The following PCDH15 variants were observed in gnomAD, a reference collection of about 807,000 sequenced individuals.
PCDH15 encodes the protein protocadherin-15.
In PCDH15, 129 loss-of-function variants were observed where a neutral mutation model predicts 178.5. The observed-to-expected ratio is 0.72, with a 90% CI of 0.63 to 0.84. PCDH15 has a LOEUF of 0.84. Ranked by LOEUF, PCDH15 falls within the 40% of genes least tolerant of loss-of-function variation. The pLI is 0.00. For synonymous variants in PCDH15, 800 were observed against 732.0 expected (o/e 1.09, Z -1.50); for missense variants, 2,230 against 2,099.9 (o/e 1.06, Z -1.21).
intron 1 of PCDH15, among the ~76,000 whole-genome samples, chr10:54,765,265 C>T (rs150359166): frequency 6.6e-6 from 1 of 152,032 alleles, no homozygotes; most frequent in Admixed American, 6.6e-5. Flanking sequence ...GAGCTAAATA[C>T]CTTTTTAGCA....
chr10:55,085,232 A>G (rs1176164433), intron 2 of PCDH15, among the ~76,000 whole-genome samples: 1 of 151,908 alleles, frequency 6.6e-6, no homozygotes, highest in Non-Finnish European at 1.5e-5. Flanking sequence ...ACTGAAGGTC[A>G]TTGTGTTAAG....
intron 3 of PCDH15, among the ~76,000 whole-genome samples, chr10:54,812,201 TA>T (rs1952873410): frequency 2.0e-5 from 3 of 150,464 alleles, no homozygotes; most frequent in East Asian, 3.9e-4. Context: ...AATACCAGCT[TA>T]AAAAAACAAA....
intron 2 of PCDH15, among the ~76,000 whole-genome samples, chr10:55,413,106 T>C (rs931651829): frequency 6.6e-6 from 1 of 151,880 alleles, no homozygotes; most frequent in Non-Finnish European, 1.5e-5. Context: ...ATAGGGTATA[T>C]GTTAATACCA....
rs150151485 is a variant in PCDH15 at position 54,620,687 on chromosome 10, A to G, written c.91+43485T>C. The stretch of plus-strand genomic sequence containing the variant: ...GTTATTAGTAGTATATGACAATCAT[A>G]ATAGTCTAACTTTTACTGTAAAACT... On this transcript the variant is annotated intron_variant, in intron 2 of 37. Coordinates refer to ENST00000644397, the MANE Select transcript of PCDH15 (RefSeq NM_001384140.1). Among the ~76,000 whole-genome samples, 621 of 152,150 alleles carry G rather than the reference A, an allele frequency of 4.1e-3. 2 individuals carry two copies. Among genetic ancestry groups the G allele is most frequent in the African/African-American group, 0.014 (599 of 41,562 alleles).
At chr10:55,493,244 A>C (rs2132130310) in intron 2 of PCDH15, among the ~76,000 whole-genome samples, 1 of 151,658 alleles carries the variant, frequency 6.6e-6, no homozygotes, top group East Asian at 2.0e-4. Flanking sequence ...AGATACACTA[A>C]AGTCATATTG....
At chr10:55,346,746 T>A (rs1263032961) in intron 2 of PCDH15, among the ~76,000 whole-genome samples, 3 of 151,792 alleles carry the variant, frequency 2.0e-5, no homozygotes, top group Admixed American at 1.3e-4. Context: ...TTTAAGATAG[T>A]CTAAATAGAG....
chr10:54,158,183 T>C (rs1359256089), intron 13 of PCDH15, among the ~76,000 whole-genome samples: 1 of 152,244 alleles, frequency 6.6e-6, no homozygotes, highest in Non-Finnish European at 1.5e-5. Context: ...ATCAATTTAC[T>C]GTATTAGTTA....
At chr10:55,054,058 GT>G (rs1477541452) in intron 2 of PCDH15, among the ~76,000 whole-genome samples, 15 of 152,138 alleles carry the variant, frequency 9.9e-5, no homozygotes, top group Admixed American at 5.2e-4. Context: ...GGGGTTTGTT[GT>G]ACAGATTATT....
At chr10:54,470,966 G>T (rs984632438) in intron 3 of PCDH15, among the ~76,000 whole-genome samples, 1 of 151,936 alleles carries the variant, frequency 6.6e-6, no homozygotes, top group Non-Finnish European at 1.5e-5. Flanking sequence ...AAAATGAATG[G>T]GTTAAGGGCA....
intron 21 of PCDH15, among the ~76,000 whole-genome samples, chr10:53,966,872 A>T (rs905139538): frequency 6.6e-6 from 1 of 151,256 alleles, no homozygotes; most frequent in African/African-American, 2.4e-5. Flanking sequence ...TATATATGTG[A>T]CAATTAAATA....
At chr10:55,233,526 G>A (rs567305369) in intron 1 of PCDH15, among the ~76,000 whole-genome samples, 1 of 151,952 alleles carries the variant, frequency 6.6e-6, no homozygotes, top group African/African-American at 2.4e-5. Context: ...TGTGTCATAA[G>A]GATAAGAAAA....
intron 3 of PCDH15, among the ~76,000 whole-genome samples, chr10:54,868,449 C>T (rs1050774281): frequency 6.6e-6 from 1 of 151,980 alleles, no homozygotes; most frequent in Non-Finnish European, 1.5e-5. Flanking sequence ...CTTCCTCCTC[C>T]CTCACCCTCA....
rs193007607 is a variant in PCDH15, at chr10:55,345,902, G to T, written c.-155-179251C>A. Among the ~76,000 whole-genome samples the T allele has an allele frequency of 7.9e-3, 1,198 of 151,834 alleles. 8 individuals are homozygous for T. The highest frequency in any genetic ancestry group is 0.024 in the South Asian group (117 of 4,798). ...TGATAAATAGTTTATAATGGTGTTT[G>T]CCCTGTTTATTGTGGATATTAACAG... On this transcript the variant is annotated intron_variant, in intron 2 of 5. Coordinates refer to the PCDH15 transcript ENST00000613346.
intron 10 of PCDH15, among the ~76,000 whole-genome samples, chr10:54,198,987 A>T (rs889263039): frequency 1.3e-5 from 2 of 152,206 alleles, no homozygotes; most frequent in Middle Eastern, 3.2e-3. Context: ...TTTTACCAGC[A>T]GCTGTGAAGC....
At chr10:54,117,507 C>T (rs751225917) in intron 15 of PCDH15, among the ~76,000 whole-genome samples, 51 of 152,248 alleles carry the variant, frequency 3.3e-4, no homozygotes, top group South Asian at 6.2e-4. Context: ...TGCCTGTTTC[C>T]GTCCTGTTTG....
chr10:54,489,335 G>GTGCC (rs35003313), intron 3 of PCDH15, among the ~76,000 whole-genome samples: 14,568 of 151,966 alleles, frequency 0.096, 879 homozygotes, highest in East Asian at 0.28. Context: ...ACAATTTAGT[G>GTGCC]TGCCTTTTAT....
At chr10:55,622,286 G>A (rs1837423230) in intron 2 of PCDH15, among the ~76,000 whole-genome samples, 1 of 150,046 alleles carries the variant, frequency 6.7e-6, no homozygotes, top group Non-Finnish European at 1.5e-5. Context: ...TGGGATTACG[G>A]GCATAAGCCA....
At chr10:55,083,056 T>C (rs1842082145) in intron 2 of PCDH15, among the ~76,000 whole-genome samples, 1 of 151,732 alleles carries the variant, frequency 6.6e-6, no homozygotes, top group Non-Finnish European at 1.5e-5. Flanking sequence ...ACAAAGTCAG[T>C]AAGTATAGTA....
chr10:54,210,017 C>T (rs2051242021), intron 10 of PCDH15, among the ~76,000 whole-genome samples: 1 of 152,106 alleles, frequency 6.6e-6, no homozygotes, highest in Admixed American at 6.6e-5. Flanking sequence ...GCATCAGGCA[C>T]ATCAGCACTA....
Sources: gnomAD v4.1 joint callset for allele counts (sites outside exome capture counted in the v4.1 genomes callset) on GRCh38, gnomAD v4.1.1 for gene constraint, MANE v1.5 for transcripts, NCBI Gene and HGNC (gene_info 2026-07-23, HGNC 2026-07-21) for gene names.